The following FGB variants were observed in gnomAD, a reference collection of about 807,000 sequenced individuals.
The protein encoded by FGB is beta-fibrinogen.
In FGB, 25 loss-of-function variants were observed where a neutral mutation model predicts 57.9. The observed-to-expected ratio is 0.43, with a 90% confidence interval of 0.31 to 0.60. FGB has a LOEUF of 0.60. Ranked by LOEUF, FGB falls within the 20% of genes least tolerant of loss-of-function variation. The probability of loss-of-function intolerance (pLI) is 0.08; values close to 1 mark genes in which losing one functional copy is unlikely to be tolerated. For synonymous variants in FGB, 203 were observed against 199.2 expected (o/e 1.02, Z -0.16); for missense variants, 536 against 598.4 (o/e 0.90, Z 1.09).
Position 154,566,641 on chromosome 4 carries a change from C to A in FGB, c.459C>A (p.Asp153Glu). Residue 153 changes from aspartate to glutamate, a missense_variant, in exon 3 of 8, where the codon GAC becomes GAA. Transcript: ENST00000302068. ...TTCAGTACATGTATTTGCTGAAAGA[C>A]CTGTGGCAAAAGAGGCAGAAGCAAG... ...SSFQYMYLLK[D>E]LWQKRQKQVK... 1 of 1,614,118 alleles carries A rather than the reference C, an allele frequency of 6.2e-7. No individual in the cohort carries two copies. The highest frequency in any genetic ancestry group is 8.5e-7 in the Non-Finnish European group (1 of 1,180,026).
At chr4:154,567,300 G>A (rs1730199267) in intron 3 of FGB, among the ~76,000 whole-genome samples, 1 of 152,110 alleles carries the variant, frequency 6.6e-6, no homozygotes, top group Non-Finnish European at 1.5e-5. Flanking sequence ...CCCCAATACT[G>A]CTTTCTCCTC....
At chr4:154,565,493 C>G (rs578011243) in intron 1 of FGB, 9 of 351,878 alleles carry the variant, frequency 2.6e-5, no homozygotes, top group African/African-American at 1.9e-4. Flanking sequence ...AGTATAGATT[C>G]TTTACAATTT....
intron 4 of FGB, 156 bp downstream of exon 4, chr4:154,567,976 T>C: frequency 2.8e-6 from 2 of 715,268 alleles, no homozygotes; most frequent in Non-Finnish European, 4.9e-6. Flanking sequence ...GCCAGTTGTG[T>C]TTTGGACTGG....
chr4:154,566,851 A>G (rs1730183532), intron 3 of FGB, 179 bp downstream of exon 3: 2 of 624,582 alleles, frequency 3.2e-6, no homozygotes, highest in Admixed American at 5.2e-5. Flanking sequence ...TCTTATTCCC[A>G]GTCTGACATC....
rs1277916261 is a variant in FGB, at chr4:154,565,853, G to A, written c.160G>A (p.Glu54Lys). Residue 54 changes from glutamate (E) to lysine (K), a missense_variant, in exon 2 of 8, where the codon GAA becomes AAA. Physicochemically the swap from Glu to Lys is moderately conservative, Grantham distance 56 (BLOSUM62 1). Transcript: ENST00000302068. ...TCATCGACCCCTTGACAAGAAGAGA[G>A]AAGAGGCTCCCAGCCTGAGGCCTGC... ...RGHRPLDKKR[E>K]EAPSLRPAPP... 1.2e-6 allele frequency: 2 copies of A among 1,614,198 alleles called. No homozygotes were observed. The highest frequency in any genetic ancestry group is 2.2e-5 in the East Asian group (1 of 44,874).
intron 3 of FGB, among the ~76,000 whole-genome samples, 184 bp from the exon 4 acceptor site, chr4:154,567,409 T>A (rs1730203878): frequency 6.6e-6 from 1 of 152,184 alleles, no homozygotes; most frequent in South Asian, 2.1e-4. Context: ...TGGTTAGGAT[T>A]TATGTTAATT....
rs942531126 is a variant in FGB, at chr4:154,569,785, A to G, written c.1230A>G (p.Arg410=). The G allele has an allele frequency of 1.9e-6, 3 of 1,614,206 alleles. No homozygotes were observed. Among genetic ancestry groups the G allele is most frequent in the Non-Finnish European group, 2.5e-6 (3 of 1,180,022 alleles). Residue 410 remains arginine, a synonymous_variant, in exon 7 of 8, where the codon AGA becomes AGG. Coordinates refer to ENST00000302068, the MANE Select transcript of FGB (RefSeq NM_005141.5). ...HNGMFFSTYD[R]DNDGWLTSDP... ...GCATGTTCTTCAGCACGTATGACAG[A>G]GACAATGACGGCTGGTATGTGTGGC... is the stretch of plus-strand genomic sequence containing the variant.
intron 5 of FGB, among the ~76,000 whole-genome samples, chr4:154,568,723 T>C (rs868453622): frequency 6.3e-4 from 91 of 144,896 alleles, no homozygotes; most frequent in Middle Eastern, 3.6e-3. Context: ...AAATCAGCTG[T>C]GTTGGTAGTA....
chr4:154,569,482 T>C (rs1265620307), intron 6 of FGB, 32 bp from the exon 7 acceptor site: 3 of 1,601,302 alleles, frequency 1.9e-6, no homozygotes, highest in African/African-American at 1.4e-5. Context: ...AAATTTTATT[T>C]TTGGTGAGAT....
rs2227423 is a variant in FGB at position 154,571,097 on chromosome 4, T to C, written c.*447T>C. The C allele has an allele frequency of 0.15, 40,415 of 262,142 alleles. 3,708 individuals are homozygous for C. The highest frequency in any genetic ancestry group is 0.21 in the Middle Eastern group (143 of 694). 16.2% of individuals were successfully genotyped at this position (262,142 alleles called of 1,614,324 possible). Reference sequence around the variant, plus strand: ...ACTCTGTTGCAATAAGTTAATGTTTTCTTGTTTTGTAATCCACACATTCAA... The same window carrying C: ...ACTCTGTTGCAATAAGTTAATGTTTCCTTGTTTTGTAATCCACACATTCAA... On this transcript the variant is annotated 3_prime_UTR_variant, in exon 8 of 8. Coordinates refer to ENST00000302068, the MANE Select transcript of FGB (RefSeq NM_005141.5).
rs1464147931 is a variant in FGB, at chr4:154,571,594, A to G, written c.*944A>G. On this transcript the variant is annotated 3_prime_UTR_variant, in exon 8 of 8. Coordinates refer to ENST00000302068, the MANE Select transcript of FGB (RefSeq NM_005141.5). ...ATCAAGTCTTCACCAAGTGTTTTTT[A>G]AGCGAAATAATGAAATAGGGAGCAG... Among the ~76,000 whole-genome samples the G allele has an allele frequency of 3.9e-5, 6 of 152,178 alleles. No individual in the cohort carries two copies. The highest frequency in any genetic ancestry group is 8.8e-5 in the Non-Finnish European group (6 of 68,034).
intron 7 of FGB, among the ~76,000 whole-genome samples, chr4:154,570,138 C>A (rs1175203795): frequency 6.6e-6 from 1 of 152,166 alleles, no homozygotes; most frequent in Non-Finnish European, 1.5e-5. Flanking sequence ...CTTTCATTTT[C>A]ATTTCCAGGG....
At chr4:154,568,640 G>T in intron 5 of FGB, 146 bp downstream of exon 5, 31 of 503,508 alleles carry the variant, frequency 6.2e-5, no homozygotes, top group Middle Eastern at 5.8e-4. Context: ...GAGCCTAGGA[G>T]TTTGAAACTA....
rs948169477 is a variant in FGB, at chr4:154,570,393, A to T, written c.1245-26A>T. On this transcript the variant is annotated intron_variant, in intron 7 of 7. Coordinates refer to ENST00000302068, the MANE Select transcript of FGB (RefSeq NM_005141.5). The stretch of plus-strand genomic sequence containing the variant: ...CTTGACCACCGTAGTTCTGTTTCTA[A>T]TAACGCCAAACACATTTTCTTTCAG... 4 of 1,581,666 alleles carry T rather than the reference A, an allele frequency of 2.5e-6. No homozygotes were observed. In the African/African-American group the frequency reaches 5.4e-5, roughly 21 times the overall value.
intron 1 of FGB, 40 bp downstream of exon 1, chr4:154,563,172 A>G: frequency 1.2e-6 from 1 of 828,610 alleles, no homozygotes; most frequent in East Asian, 2.7e-5. Flanking sequence ...TAGTAGTATT[A>G]TTAATATAAG....
At chr4:154,564,556 C>T (rs1260436876) in intron 1 of FGB, among the ~76,000 whole-genome samples, 1 of 151,984 alleles carries the variant, frequency 6.6e-6, no homozygotes. Context: ...ACCAGCCTGG[C>T]TGGGTTTTAA....
Position 154,565,805 on chromosome 4 carries a change from T to C in FGB, c.115-3T>C. 1 of 1,613,922 alleles carries C rather than the reference T, an allele frequency of 6.2e-7. No homozygotes were observed. Among genetic ancestry groups the C allele is most frequent in the South Asian group, 1.1e-5 (1 of 91,086 alleles). On this transcript the variant is annotated splice_region_variant and splice_polypyrimidine_tract_variant and intron_variant, in intron 1 of 7. Transcript: ENST00000302068. ...TATTATATTTCTGCCTCATTCCTTG[T>C]AGGGTTTCTTCAGTGCCCGTGGTCA...
At chr4:154,570,393 A>G (rs948169477) in intron 7 of FGB, 26 bp from the exon 8 acceptor site, 1 of 1,581,666 alleles carries the variant, frequency 6.3e-7, no homozygotes, top group African/African-American at 1.3e-5. Flanking sequence ...TCTGTTTCTA[A>G]TAACGCCAAA....
Position 154,570,427 on chromosome 4 carries a change from C to T in FGB, c.1253C>T (p.Ser418Leu), listed in dbSNP as rs770876148. 2.5e-6 allele frequency: 4 copies of T among 1,612,358 alleles called. No individual in the cohort carries two copies. The South Asian group carries it at 4.4e-5, about 18-fold the overall frequency. Reference sequence around the variant, plus strand: ...AACACATTTTCTTTCAGGTTAACATCAGATCCCAGAAAACAGTGTTCTAAA... The same window carrying T: ...AACACATTTTCTTTCAGGTTAACATTAGATCCCAGAAAACAGTGTTCTAAA... Reference protein sequence around the residue: ...YDRDNDGWLTSDPRKQCSKED... With the variant: ...YDRDNDGWLTLDPRKQCSKED... The change falls in exon 8 of 8, where the codon TCA becomes TTA. Residue 418 changes from serine (S) to leucine (L), a missense_variant. Physicochemically the swap from Ser to Leu is moderately radical, Grantham distance 145. Around this residue, in one of 3 missense-constraint regions of FGB, gnomAD observed 177 missense variants for 193.7 expected, o/e 0.91. Coordinates refer to ENST00000302068, the MANE Select transcript of FGB (RefSeq NM_005141.5).
Sources: allele counts gnomAD v4.1 joint callset (sites outside exome capture counted in the v4.1 genomes callset), GRCh38; gene constraint gnomAD v4.1.1; regional missense constraint gnomAD v4.1.1; transcripts MANE v1.5; gene names NCBI Gene and HGNC (gene_info 2026-07-23, HGNC 2026-07-21).